Variants in UPF2 observed in about 807,000 individuals in gnomAD.
UPF2 encodes regulator of nonsense transcripts 2.
Under a neutral mutation model 141.4 loss-of-function variants are expected in UPF2, and 17 were observed. The ratio of observed to expected loss-of-function variants is 0.12; its 90% CI spans 0.08 to 0.18. UPF2 has a LOEUF of 0.18. UPF2 is among the 10% of genes least tolerant of loss of function. UPF2 has a pLI of 1.00. For missense variants in UPF2, 1,152 were observed against 1,515.9 expected (o/e 0.76, Z 3.99); for synonymous variants, 540 against 498.0 (o/e 1.08, Z -1.12).
rs778599715 is a variant in UPF2 at position 12,028,935 on chromosome 10, T to C, written c.955A>G (p.Ile319Val). 10 of 1,614,032 alleles carry C rather than the reference T, an allele frequency of 6.2e-6. No individual in the cohort carries two copies. Among genetic ancestry groups the C allele is most frequent in the African/African-American group, 4.0e-5 (3 of 74,922 alleles). The part of the protein sequence containing the change: ...ISFCRHCGDD[I>V]AGLVPRKVKS... ...ACTTTCCTTGGTACAAGTCCAGCAA[T>C]ATCATCTCCACAATGTCGACAGAAA... Residue 319 changes from isoleucine (I) to valine (V), a missense_variant, in exon 3 of 22, where the codon ATT (isoleucine) becomes GTT (valine). This residue lies in a region of UPF2 where 739 missense variants were observed against 1,032.2 expected (regional missense o/e 0.72). Transcript: ENST00000357604.
At chr10:11,965,382 T>A (rs1196973415) in intron 10 of UPF2, among the ~76,000 whole-genome samples, 2 of 152,232 alleles carry the variant, frequency 1.3e-5, no homozygotes, top group African/African-American at 4.8e-5. Context: ...AATATACTTA[T>A]CAGTATACTA....
rs74119914 is a variant in UPF2 at position 11,956,691 on chromosome 10, C to T, written c.2371-168G>A. On this transcript the variant is annotated intron_variant, in intron 12 of 21. Coordinates refer to ENST00000357604, the MANE Select transcript of UPF2 (RefSeq NM_015542.4). This position sits in a 1 kb window ranked among gnomAD's most constrained non-coding sequence, Gnocchi z 4.2. ...TAGAAAAACTGAGACTTTCTAATTA[C>T]AATAAAATGTATTATCATCTTTCCT... 0.014 allele frequency among the ~76,000 whole-genome samples: 2,060 copies of T among 152,316 alleles called. 44 individuals carry two copies. The highest frequency in any genetic ancestry group is 0.047 in the African/African-American group (1,940 of 41,570).
intron 4 of UPF2, among the ~76,000 whole-genome samples, chr10:12,013,468 C>T (rs112590361): frequency 8.8e-4 from 134 of 151,778 alleles, no homozygotes; most frequent in African/African-American, 3.1e-3. Flanking sequence ...GTAGAGATGG[C>T]GTTTCAATGT....
intron 9 of UPF2, among the ~76,000 whole-genome samples, chr10:11,975,949 TCA>T (rs1833500877): frequency 6.6e-6 from 1 of 152,236 alleles, no homozygotes; most frequent in Admixed American, 6.5e-5. Context: ...ATACTGTGAA[TCA>T]CAGTTTTTTG....
chr10:12,040,479 A>G (rs1834716869), intron 1 of UPF2, among the ~76,000 whole-genome samples: 1 of 152,180 alleles, frequency 6.6e-6, no homozygotes, highest in Non-Finnish European at 1.5e-5. Flanking sequence ...ACCCTAGAAC[A>G]TAATAAAACA....
At position 11,938,853 on chromosome 10, in the gene UPF2, G is replaced by GTTTTTTTTTTTTTTTTTT. The variant is rs58106776; in HGVS notation, c.3379-2159_3379-2142dup. Among the ~76,000 whole-genome samples, 374 of 79,830 alleles carry GTTTTTTTTTTTTTTTTTT rather than the reference G, an allele frequency of 4.7e-3. 88 individuals carry two copies. Among genetic ancestry groups the GTTTTTTTTTTTTTTTTTT allele is most frequent in the Middle Eastern group, 0.017 (2 of 118 alleles). The allele number at this position is 79,830 out of a possible 152,430, so 52.4% of individuals were successfully genotyped here. On this transcript the variant is annotated intron_variant, in intron 18 of 21. Transcript: ENST00000357604. ...GTGGTCTTAAGCAAGTTTTTTTTTT[G>GTTTTTTTTTTTTTTTTTT]TTTTTTTTTTTTTTTTTTTTTTTTT...
intron 9 of UPF2, among the ~76,000 whole-genome samples, chr10:11,970,013 A>C (rs1417488913): frequency 6.6e-6 from 1 of 152,260 alleles, no homozygotes; most frequent in Non-Finnish European, 1.5e-5. Flanking sequence ...GAAAAGCTAA[A>C]GCTTAATATA....
In UPF2 at chr10:11,948,140, C is replaced by T. The variant is rs192897789; in HGVS notation, c.3174+229G>A. On this transcript the variant is annotated intron_variant, in intron 16 of 21. Coordinates refer to ENST00000357604, the MANE Select transcript of UPF2 (RefSeq NM_015542.4). ...GCGAGTGCTTGTTATCTCAGCTACT[C>T]GGGAGGCTGAGGCAGGAGAATCACT... Among the ~76,000 whole-genome samples the T allele has an allele frequency of 3.7e-4, 55 of 148,806 alleles. 1 individual carries two copies. The East Asian group carries it at 8.8e-3, about 24-fold the overall frequency.
chr10:11,970,801 G>T (rs1170649026), intron 9 of UPF2, among the ~76,000 whole-genome samples: 1 of 151,968 alleles, frequency 6.6e-6, no homozygotes, highest in Non-Finnish European at 1.5e-5. Flanking sequence ...GACAGAGTGA[G>T]ACTCTAACTC....
At chr10:11,977,204 C>T (rs992318069) in intron 9 of UPF2, among the ~76,000 whole-genome samples, 9 of 151,948 alleles carry the variant, frequency 5.9e-5, no homozygotes, top group South Asian at 2.1e-4. Context: ...ATAGTTGCAG[C>T]GGGGGGAGGG....
At chr10:11,977,345 G>C (rs1460469771) in intron 9 of UPF2, among the ~76,000 whole-genome samples, 2 of 152,176 alleles carry the variant, frequency 1.3e-5, no homozygotes, top group Admixed American at 1.3e-4. Flanking sequence ...AGGTGATCAA[G>C]TTTGTAGAGT....
At chr10:11,994,996 A>AAAAAAAAAAG (rs1564359698) in intron 8 of UPF2, among the ~76,000 whole-genome samples, 1 of 147,864 alleles carries the variant, frequency 6.8e-6, no homozygotes, top group East Asian at 1.9e-4. Context: ...AAAAAAAAAA[A>AAAAAAAAAAG]AAAAAAAAGA....
intron 1 of UPF2, among the ~76,000 whole-genome samples, chr10:12,036,917 C>T (rs762719261): frequency 3.3e-5 from 5 of 151,908 alleles, no homozygotes; most frequent in South Asian, 2.1e-4. Flanking sequence ...CCCAGCTACT[C>T]GGGAGGCTGA....
At chr10:11,943,387 A>G (rs1164184634) in intron 16 of UPF2, among the ~76,000 whole-genome samples, 2 of 152,218 alleles carry the variant, frequency 1.3e-5, no homozygotes, top group Non-Finnish European at 2.9e-5. Flanking sequence ...CTGATCTAAC[A>G]ATACAGAGAT....
chr10:11,923,775 G>A (rs539350740), intron 21 of UPF2, among the ~76,000 whole-genome samples: 2 of 152,176 alleles, frequency 1.3e-5, no homozygotes, highest in South Asian at 4.1e-4. Context: ...GGAGGCAGAG[G>A]TTGCAGTGAG....
At chr10:11,938,521 A>G (rs1033627296) in intron 18 of UPF2, among the ~76,000 whole-genome samples, 1 of 152,170 alleles carries the variant, frequency 6.6e-6, no homozygotes, top group Non-Finnish European at 1.5e-5. Context: ...ACCACACTGG[A>G]TATTATCACT....
At chr10:12,041,711 CT>C (rs1834736984) in intron 1 of UPF2, among the ~76,000 whole-genome samples, 1 of 152,148 alleles carries the variant, frequency 6.6e-6, no homozygotes, top group Admixed American at 6.5e-5. Context: ...CAGTTTCTGA[CT>C]TTATTTTTTA....
intron 8 of UPF2, among the ~76,000 whole-genome samples, chr10:11,993,494 ATAAT>A (rs1336680908): frequency 2.0e-5 from 3 of 152,116 alleles, no homozygotes; most frequent in Admixed American, 6.6e-5. Flanking sequence ...TACTGACTAT[ATAAT>A]TAGAGACAAA....
intron 3 of UPF2, among the ~76,000 whole-genome samples, chr10:12,023,056 AC>A (rs1406162805): frequency 6.6e-6 from 1 of 152,216 alleles, no homozygotes; most frequent in Non-Finnish European, 1.5e-5. Flanking sequence ...GATTACTCAA[AC>A]AAGAATTCTA....
Sources: allele counts gnomAD v4.1 joint callset (sites outside exome capture counted in the v4.1 genomes callset), GRCh38; gene constraint gnomAD v4.1.1; regional missense constraint gnomAD v4.1.1; non-coding constraint Gnocchi (gnomAD v3.1); transcripts MANE v1.5; gene names NCBI Gene and HGNC (gene_info 2026-07-23, HGNC 2026-07-21).